The following GALNT17 variants were observed in gnomAD, a reference collection of about 807,000 sequenced individuals.
The protein encoded by GALNT17 is polypeptide N-acetylgalactosaminyltransferase 17.
A neutral mutation model predicts 63.7 loss-of-function variants in GALNT17; 29 were observed. That is an observed-to-expected ratio of 0.46 (90% CI 0.34 to 0.62). The LOEUF (loss-of-function observed/expected upper bound fraction) is 0.62. Ranked by LOEUF, GALNT17 falls within the 20% of genes least tolerant of loss-of-function variation. The pLI, the probability that GALNT17 is intolerant of heterozygous loss-of-function variation, is 0.01. For synonymous variants in GALNT17, 305 were observed against 318.3 expected (o/e 0.96, Z 0.45); for missense variants, 603 against 799.6 (o/e 0.75, Z 2.97).
chr7:71,618,585 A>T (rs1416295404), intron 6 of GALNT17, among the ~76,000 whole-genome samples: 1 of 151,768 alleles, frequency 6.6e-6, no homozygotes, highest in East Asian at 1.9e-4. Context: ...CCATTTTTTC[A>T]TGTTTGTTGG....
At chr7:71,341,173 G>T (rs1366750321) in intron 2 of GALNT17, among the ~76,000 whole-genome samples, 1 of 152,138 alleles carries the variant, frequency 6.6e-6, no homozygotes, top group South Asian at 2.1e-4. Context: ...AACATAGCAA[G>T]ACCCTATCTC....
intron 1 of GALNT17, among the ~76,000 whole-genome samples, chr7:71,255,874 G>A (rs924051662): frequency 1.7e-4 from 26 of 152,114 alleles, no homozygotes; most frequent in Admixed American, 7.2e-4. Flanking sequence ...ATGGACCACT[G>A]TCCTCTCGGC....
intron 1 of GALNT17, among the ~76,000 whole-genome samples, chr7:71,232,995 T>C (rs996338179): frequency 2.0e-5 from 3 of 152,128 alleles, no homozygotes; most frequent in Admixed American, 6.6e-5. Flanking sequence ...ATTGTCTCCT[T>C]TAATCCTCTC....
At chr7:71,548,125 C>T (rs1194082892) in intron 5 of GALNT17, among the ~76,000 whole-genome samples, 2 of 151,512 alleles carry the variant, frequency 1.3e-5, no homozygotes, top group East Asian at 1.9e-4. Context: ...ACCTGTAATC[C>T]CAGCTACTTG....
chr7:71,255,569 T>C (rs921837124), intron 1 of GALNT17, among the ~76,000 whole-genome samples: 1 of 152,370 alleles, frequency 6.6e-6, no homozygotes, highest in East Asian at 1.9e-4. Flanking sequence ...GTTTGCAGTT[T>C]ACTGGGACGG....
intron 5 of GALNT17, among the ~76,000 whole-genome samples, chr7:71,463,166 T>A (rs1333290506): frequency 6.6e-6 from 1 of 152,194 alleles, no homozygotes; most frequent in African/African-American, 2.4e-5. Flanking sequence ...ATTCTCAGGC[T>A]GATCCCATTC....
At chr7:71,688,827 T>C (rs114044747) in intron 9 of GALNT17, among the ~76,000 whole-genome samples, 2,886 of 152,212 alleles carry the variant, frequency 0.019, 75 homozygotes, top group African/African-American at 0.064. Context: ...TGTACAGGCA[T>C]ACCTCATTTC....
At chr7:71,522,332 T>C (rs1437270581) in intron 5 of GALNT17, among the ~76,000 whole-genome samples, 2 of 152,228 alleles carry the variant, frequency 1.3e-5, no homozygotes, top group Non-Finnish European at 2.9e-5. Flanking sequence ...TAGTTCATTT[T>C]AATGCTACTG....
intron 1 of GALNT17, among the ~76,000 whole-genome samples, chr7:71,142,047 T>TGTGTGTGTGTGTGTGTGTGTG (rs57769191): frequency 6.8e-6 from 1 of 146,816 alleles, no homozygotes; most frequent in East Asian, 2.0e-4. Context: ...TGTGTGTGTG[T>TGTGTGTGTGTGTGTGTGTGTG]TTAGTAGAGA....
intron 9 of GALNT17, among the ~76,000 whole-genome samples, chr7:71,709,028 G>A (rs11973569): frequency 0.14 from 20,764 of 152,188 alleles, 1,619 homozygotes; most frequent in African/African-American, 0.2. Flanking sequence ...ACGTGTAAGT[G>A]CATGTGTCTT....
chr7:71,132,556 T>G lies in GALNT17; in HGVS notation c.-247T>G. 3 of 501,672 alleles carry G rather than the reference T, an allele frequency of 6.0e-6. No homozygotes were observed. The highest frequency in any genetic ancestry group is 1.1e-5 in the Non-Finnish European group (3 of 285,026). 31.1% of individuals were successfully genotyped at this position (501,672 alleles called of 1,614,324 possible). ...CTGGACGGGGCCGTGCGCCGTGGACTGAGCAGGCGTCTCGGGGAGCACTTC... is the reference window on the plus strand; with the variant it reads ...CTGGACGGGGCCGTGCGCCGTGGACGGAGCAGGCGTCTCGGGGAGCACTTC... On this transcript the variant is annotated 5_prime_UTR_variant, in exon 1 of 11. Coordinates refer to ENST00000333538, the MANE Select transcript of GALNT17 (RefSeq NM_022479.3).
chr7:71,454,545 C>G (rs1476386512), intron 5 of GALNT17, among the ~76,000 whole-genome samples: 4 of 152,068 alleles, frequency 2.6e-5, no homozygotes, highest in Admixed American at 2.6e-4. Context: ...ATTCTGACAG[C>G]CTGGGAAGTG....
In GALNT17 at chr7:71,421,129, G is replaced by A. The variant is rs553454349; in HGVS notation, c.962+24G>A. The A allele has an allele frequency of 3.6e-4, 574 of 1,612,676 alleles. 15 individuals are homozygous for A. The South Asian group carries it at 5.7e-3, about 16-fold the overall frequency. On this transcript the variant is annotated intron_variant, in intron 5 of 10. Transcript: ENST00000333538. The stretch of plus-strand genomic sequence containing the variant: ...AGGTCTGTGGCTGGTGAGCCCTGGC[G>A]GCCAACGAGCCCCCAAATTCAAGGG...
chr7:71,632,318 C>T (rs1465583676), intron 6 of GALNT17, among the ~76,000 whole-genome samples: 1 of 152,108 alleles, frequency 6.6e-6, no homozygotes, highest in Non-Finnish European at 1.5e-5. Flanking sequence ...ATCTGCCTGC[C>T]CTATTTCAGG....
At chr7:71,344,013 A>G (rs771011986) in intron 2 of GALNT17, among the ~76,000 whole-genome samples, 1 of 152,010 alleles carries the variant, frequency 6.6e-6, no homozygotes, top group African/African-American at 2.4e-5. Flanking sequence ...CTGTGCCAGC[A>G]GTTTGGAGAA....
chr7:71,199,720 TCCACCCAC>T (rs149224400), intron 1 of GALNT17, among the ~76,000 whole-genome samples: 1,747 of 140,410 alleles, frequency 0.012, 15 homozygotes, highest in Non-Finnish European at 0.018. Context: ...CATGTATGTG[TCCACCCAC>T]CCACCCATGC....
At chr7:71,356,826 G>C (rs2116209982) in intron 2 of GALNT17, among the ~76,000 whole-genome samples, 1 of 152,260 alleles carries the variant, frequency 6.6e-6, no homozygotes, top group Non-Finnish European at 1.5e-5. Flanking sequence ...GTGTCACCCA[G>C]GCTGGAGTAC....
intron 5 of GALNT17, among the ~76,000 whole-genome samples, chr7:71,540,339 A>G (rs1458206962): frequency 1.3e-5 from 2 of 149,072 alleles, no homozygotes; most frequent in Non-Finnish European, 3.0e-5. Flanking sequence ...CTGGTCTCGA[A>G]CTCCTGACCT....
intron 6 of GALNT17, among the ~76,000 whole-genome samples, chr7:71,625,826 G>A (rs1412615814): frequency 6.6e-6 from 1 of 152,168 alleles, no homozygotes; most frequent in Non-Finnish European, 1.5e-5. Context: ...ACAATCATAT[G>A]TTGAAGCCTT....
Sources: gnomAD v4.1 joint callset for allele counts (sites outside exome capture counted in the v4.1 genomes callset) on GRCh38, gnomAD v4.1.1 for gene constraint, MANE v1.5 for transcripts, NCBI Gene and HGNC (gene_info 2026-07-23, HGNC 2026-07-21) for gene names.